The following PAK3 variants were observed in gnomAD, a reference collection of about 807,000 sequenced individuals.
The protein encoded by PAK3 is p21 (RAC1) activated kinase 3, also known as serine/threonine-protein kinase PAK 3.
Under a neutral mutation model 41.0 loss-of-function variants are expected in PAK3, and 4 were observed. The observed-to-expected ratio is 0.10, with a 90% CI of 0.05 to 0.22. PAK3 has a LOEUF of 0.22. PAK3 is among the 10% of genes least tolerant of loss of function. The pLI is 1.00. For missense variants in PAK3, 205 were observed against 409.9 expected, an observed-to-expected ratio of 0.50 and a Z score of 4.32; for synonymous variants, 146 against 139.6, an observed-to-expected ratio of 1.05 and a Z score of -0.32.
At chrX:111,217,911 C>A (rs1453517061) in intron 17 of PAK3, among the ~76,000 whole-genome samples, 1 of 112,428 alleles carries the variant, frequency 8.9e-6, no homozygotes, top group Non-Finnish European at 1.9e-5. Context: ...ATGTGGCTAT[C>A]CAGCTAAATA....
chrX:111,146,624 C>G, intron 6 of PAK3: 4 of 664,404 alleles, frequency 6.0e-6, no homozygotes, highest in Non-Finnish European at 9.2e-6. Context: ...TGTCATAGCA[C>G]TGCAGCAGCA....
chrX:111,044,091 AC>A (rs201060182), intron 1 of PAK3, among the ~76,000 whole-genome samples: 1,450 of 111,947 alleles, frequency 0.013, 31 homozygotes, highest in African/African-American at 0.045. Context: ...ATTATAAGAA[AC>A]CCAAAGTATG....
rs772080837 is a variant in PAK3 at position 111,225,858 on chromosome X, G to C, written c.*5411G>C. The C allele has an allele frequency of 9.0e-6, 1 of 111,447 alleles. No individual in the cohort carries two copies. Among genetic ancestry groups the C allele is most frequent in the Non-Finnish European group, 1.9e-5 (1 of 53,152 alleles). The allele number at this position is 111,447 out of a possible 1,213,427, so 9.2% of individuals were successfully genotyped here. ...TCTCTTATGTTGCAGTTAAATAAAA[G>C]AACTATGTAAGATGATTTTTAAAAT... On this transcript the variant is annotated 3_prime_UTR_variant, in exon 18 of 18. Transcript: ENST00000372007.
intron 1 of PAK3, among the ~76,000 whole-genome samples, chrX:110,962,683 A>C (rs751645562): frequency 8.9e-6 from 1 of 112,805 alleles, no homozygotes; most frequent in Non-Finnish European, 1.9e-5. Context: ...CAAGCCGCCA[A>C]GCCTCTAATT....
chrX:111,120,117 G>T (rs748172186), intron 4 of PAK3, among the ~76,000 whole-genome samples: 10 of 112,276 alleles, frequency 8.9e-5, no homozygotes, highest in African/African-American at 2.9e-4. Context: ...TTTGTAAAAG[G>T]TGTATTCCAG....
chrX:111,134,635 G>T, intron 5 of PAK3, among the ~76,000 whole-genome samples: 1 of 111,594 alleles, frequency 9.0e-6, no homozygotes, highest in East Asian at 2.8e-4. Flanking sequence ...AGAGTTTAGT[G>T]TGATAAGTGT....
At chrX:111,129,574 A>T (rs1306399526) in intron 5 of PAK3, among the ~76,000 whole-genome samples, 1 of 110,917 alleles carries the variant, frequency 9.0e-6, no homozygotes, top group East Asian at 2.9e-4. Flanking sequence ...ATAAGGACAC[A>T]CTCTCCCTAT....
At chrX:111,187,935 C>T (rs1369249525) in intron 11 of PAK3, among the ~76,000 whole-genome samples, 1 of 85,605 alleles carries the variant, frequency 1.2e-5, no homozygotes, top group East Asian at 3.5e-4. Context: ...AACCAGGGTA[C>T]AGGGTAGGGA....
intron 14 of PAK3, among the ~76,000 whole-genome samples, chrX:111,195,531 C>T (rs1350021990): frequency 8.9e-6 from 1 of 112,025 alleles, no homozygotes; most frequent in Non-Finnish European, 1.9e-5. Context: ...CAAGCTGAAT[C>T]CTCCAAATAA....
At position 111,052,810 on chromosome X, in the gene PAK3, G is replaced by A. The variant is rs766276422; in HGVS notation, c.-27-70267G>A. Reference sequence around the variant, plus strand: ...AATAGCAATGGAAGTGAAAAATATTGTAAGTGTTTTGTCTTCTTTCATGGA... The same window carrying A: ...AATAGCAATGGAAGTGAAAAATATTATAAGTGTTTTGTCTTCTTTCATGGA... On this transcript the variant is annotated intron_variant, in intron 1 of 14. Coordinates refer to the PAK3 transcript ENST00000425146. Among the ~76,000 whole-genome samples the A allele has an allele frequency of 3.6e-5, 4 of 112,461 alleles. 1 individual carries two copies. The South Asian group carries it at 1.5e-3, about 41-fold the overall frequency.
chrX:111,185,069 C>T (rs2094496613), intron 11 of PAK3, among the ~76,000 whole-genome samples: 2 of 111,794 alleles, frequency 1.8e-5, no homozygotes, highest in Admixed American at 1.9e-4. Flanking sequence ...CTGTTGTTTC[C>T]TGGCTTTTTA....
At chrX:110,953,796 C>T (rs760194837) in intron 1 of PAK3, among the ~76,000 whole-genome samples, 2 of 111,842 alleles carry the variant, frequency 1.8e-5, no homozygotes, top group East Asian at 5.6e-4. Flanking sequence ...GCACAGTGTT[C>T]TTCTTAAGAA....
At chrX:110,959,995 G>A (rs993811052) in intron 1 of PAK3, among the ~76,000 whole-genome samples, 1 of 111,637 alleles carries the variant, frequency 9.0e-6, no homozygotes, top group African/African-American at 3.3e-5. Context: ...GTCAACTCTT[G>A]TCTTCCTCAT....
At chrX:110,954,698 T>C (rs2090817840) in intron 1 of PAK3, among the ~76,000 whole-genome samples, 1 of 111,828 alleles carries the variant, frequency 8.9e-6, no homozygotes, top group Admixed American at 9.5e-5. Context: ...TGTGTGTCAT[T>C]GTAGGGGTGG....
At chrX:111,197,445 A>G (rs1423654901) in intron 16 of PAK3, among the ~76,000 whole-genome samples, 1 of 111,807 alleles carries the variant, frequency 8.9e-6, no homozygotes, top group Non-Finnish European at 1.9e-5. Context: ...TATATCCAGT[A>G]ATGGTATTGC....
rs758065353 is a variant in PAK3 at position 110,954,861 on chromosome X, C to T, written c.-28+10233C>T. 8.1e-5 allele frequency among the ~76,000 whole-genome samples: 9 copies of T among 111,402 alleles called. No homozygotes were observed. In the South Asian group the frequency reaches 3.5e-3, roughly 44 times the overall value. On this transcript the variant is annotated intron_variant, in intron 1 of 14. Transcript: ENST00000425146. ...CATACTTTTTGTTTTCCTCCTCCTA[C>T]TCCCAGCAGGAGACTAGTGCCAAGG...
chrX:111,132,054 A>G (rs1177431374), intron 5 of PAK3, among the ~76,000 whole-genome samples: 3 of 111,118 alleles, frequency 2.7e-5, no homozygotes, highest in Non-Finnish European at 3.8e-5. Context: ...ACAGTAAGGC[A>G]TTTCATTTCT....
intron 1 of PAK3, among the ~76,000 whole-genome samples, chrX:111,054,845 C>G (rs1311943346): frequency 1.8e-5 from 2 of 111,477 alleles, no homozygotes; most frequent in Non-Finnish European, 3.8e-5. Context: ...TCTCCGGGCC[C>G]CCTTATAATC....
chrX:111,217,522 C>A, intron 17 of PAK3: 1 of 970,420 alleles, frequency 1.0e-6, no homozygotes. Context: ...AAAGAAAAAC[C>A]TGTTCCTGTT....
Sources: allele counts gnomAD v4.1 joint callset (sites outside exome capture counted in the v4.1 genomes callset), GRCh38; gene constraint gnomAD v4.1.1; transcripts MANE v1.5; gene names NCBI Gene and HGNC (gene_info 2026-07-23, HGNC 2026-07-21).